The following CCSER1 variants were observed in gnomAD, a reference collection of about 807,000 sequenced individuals.
CCSER1 encodes serine-rich coiled-coil domain-containing protein 1.
A neutral mutation model predicts 82.0 loss-of-function variants in CCSER1; 41 were observed. The ratio of observed to expected loss-of-function variants is 0.50; its 90% CI spans 0.39 to 0.65. The LOEUF is 0.65. Ranked by LOEUF, CCSER1 falls within the 30% of genes least tolerant of loss-of-function variation. The pLI is 0.00. For missense variants in CCSER1, 1,119 were observed against 1,064.2 expected, an observed-to-expected ratio of 1.05 and a Z score of -0.72; for synonymous variants, 414 against 383.9, an observed-to-expected ratio of 1.08 and a Z score of -0.92.
chr4:90,260,438 T>A (rs964448439), intron 1 of CCSER1, among the ~76,000 whole-genome samples: 1 of 152,186 alleles, frequency 6.6e-6, no homozygotes, highest in Non-Finnish European at 1.5e-5. Flanking sequence ...GGAGCTCCAG[T>A]GTTAGTTGCA....
At chr4:91,200,168 C>T (rs1447487843) in intron 10 of CCSER1, among the ~76,000 whole-genome samples, 1 of 123,696 alleles carries the variant, frequency 8.1e-6, no homozygotes, top group Non-Finnish European at 1.7e-5. Flanking sequence ...GTTTCAGCCA[C>T]TATTCTTTTT....
chr4:91,421,748 T>A (rs947290242), intron 10 of CCSER1, among the ~76,000 whole-genome samples: 1 of 151,620 alleles, frequency 6.6e-6, no homozygotes, highest in Non-Finnish European at 1.5e-5. Context: ...CTGTACACCT[T>A]CAATATACAT....
intron 9 of CCSER1, among the ~76,000 whole-genome samples, chr4:91,062,778 T>C (rs1744069812): frequency 6.6e-6 from 1 of 152,106 alleles, no homozygotes; most frequent in Non-Finnish European, 1.5e-5. Flanking sequence ...ATAAAATGAT[T>C]TTTTTGTCAT....
intron 6 of CCSER1, among the ~76,000 whole-genome samples, chr4:90,699,480 C>G (rs749897067): frequency 1.3e-5 from 2 of 152,150 alleles, no homozygotes; most frequent in Admixed American, 6.5e-5. Flanking sequence ...TAGGGTTAGA[C>G]TTCCCCCAAA....
At chr4:91,484,055 T>TAA (rs70965500) in intron 10 of CCSER1, among the ~76,000 whole-genome samples, 30,061 of 130,618 alleles carry the variant, frequency 0.23, 3,912 homozygotes, top group East Asian at 0.55. Context: ...GCCTATTCTC[T>TAA]AAAAAAAAAA....
intron 10 of CCSER1, among the ~76,000 whole-genome samples, chr4:91,591,842 A>G (rs1309878444): frequency 6.6e-6 from 1 of 152,066 alleles, no homozygotes; most frequent in Admixed American, 6.6e-5. Flanking sequence ...CTTTCAATTC[A>G]TTTTCTACAG....
intron 10 of CCSER1, among the ~76,000 whole-genome samples, chr4:91,475,830 T>G (rs554054563): frequency 5.3e-5 from 8 of 152,018 alleles, no homozygotes; most frequent in Admixed American, 2.0e-4. Context: ...GTAACCACTA[T>G]TCTACTCACT....
chr4:90,247,221 C>T (rs1373798017), intron 1 of CCSER1, among the ~76,000 whole-genome samples: 6 of 152,118 alleles, frequency 3.9e-5, no homozygotes, highest in Admixed American at 6.6e-5. Context: ...CCATTGGCAG[C>T]GAGTGACTGA....
At chr4:91,176,331 T>G (rs2149016041) in intron 10 of CCSER1, among the ~76,000 whole-genome samples, 1 of 152,322 alleles carries the variant, frequency 6.6e-6, no homozygotes, top group South Asian at 2.1e-4. Context: ...CCATATGTAC[T>G]TTGAAGTATT....
At chr4:90,943,697 G>A (rs1311442047) in intron 9 of CCSER1, among the ~76,000 whole-genome samples, 2 of 147,420 alleles carry the variant, frequency 1.4e-5, no homozygotes, top group Non-Finnish European at 3.0e-5. Context: ...CGAGTAGCTG[G>A]GACTACAAAC....
chr4:91,338,698 A>G (rs1747486961), intron 10 of CCSER1, among the ~76,000 whole-genome samples: 1 of 152,194 alleles, frequency 6.6e-6, no homozygotes, highest in Non-Finnish European at 1.5e-5. Flanking sequence ...CAAATTATGC[A>G]CATTAAGTAA....
intron 10 of CCSER1, among the ~76,000 whole-genome samples, chr4:91,419,606 T>A (rs2149381767): frequency 6.6e-6 from 1 of 152,174 alleles, no homozygotes; most frequent in South Asian, 2.1e-4. Flanking sequence ...AAAGAATTAA[T>A]CTTGTTAAAA....
chr4:91,369,536 C>G (rs1174096480), intron 10 of CCSER1, among the ~76,000 whole-genome samples: 1 of 151,526 alleles, frequency 6.6e-6, no homozygotes, highest in African/African-American at 2.4e-5. Flanking sequence ...ATGTTTTCCA[C>G]AAAGTAGTCG....
intron 5 of CCSER1, among the ~76,000 whole-genome samples, chr4:90,574,860 C>G (rs1000442446): frequency 6.6e-6 from 1 of 152,030 alleles, no homozygotes; most frequent in African/African-American, 2.4e-5. Flanking sequence ...CCAAACATCA[C>G]AAACTTTTAA....
intron 10 of CCSER1, among the ~76,000 whole-genome samples, chr4:91,260,114 G>A (rs986335151): frequency 2.6e-5 from 4 of 152,128 alleles, no homozygotes; most frequent in African/African-American, 9.7e-5. Context: ...GGGTTACTGT[G>A]GATATATAGC....
intron 6 of CCSER1, among the ~76,000 whole-genome samples, chr4:90,718,562 G>A (rs959026610): frequency 2.0e-5 from 3 of 152,112 alleles, no homozygotes; most frequent in Admixed American, 6.6e-5. Flanking sequence ...GAACATGAAA[G>A]TATGCAAAAC....
chr4:90,780,619 G>C (rs1012269326), intron 7 of CCSER1: 166 of 1,423,140 alleles, frequency 1.2e-4, no homozygotes, highest in Non-Finnish European at 1.5e-4. Context: ...AGGACAGTAG[G>C]CTTTTCTATA....
At chr4:91,419,206 A>G (rs996907902) in intron 10 of CCSER1, among the ~76,000 whole-genome samples, 19 of 152,040 alleles carry the variant, frequency 1.2e-4, no homozygotes, top group Non-Finnish European at 5.9e-5. Flanking sequence ...ACCTGCATTC[A>G]AGATAATACT....
intron 8 of CCSER1, among the ~76,000 whole-genome samples, chr4:90,903,415 G>C (rs1349171016): frequency 6.6e-6 from 1 of 151,996 alleles, no homozygotes; most frequent in Admixed American, 6.6e-5. Context: ...CAGCCGTCTG[G>C]ATCTGTAAGT....
Sources: allele counts gnomAD v4.1 joint callset (sites outside exome capture counted in the v4.1 genomes callset), GRCh38; gene constraint gnomAD v4.1.1; transcripts MANE v1.5; gene names NCBI Gene and HGNC (gene_info 2026-07-23, HGNC 2026-07-21).